PTPRN2: variants seen among roughly 807,000 people sequenced by gnomAD.
The protein encoded by PTPRN2 is protein tyrosine phosphatase receptor type N2, also known as receptor-type tyrosine-protein phosphatase N2.
A neutral mutation model predicts 118.8 loss-of-function variants in PTPRN2; 74 were observed. The observed-to-expected ratio is 0.62, with a 90% CI of 0.52 to 0.76. The LOEUF is 0.76. PTPRN2 is among the 30% of genes least tolerant of loss of function. PTPRN2 has a pLI of 0.00. For synonymous variants in PTPRN2, 641 were observed against 608.0 expected, an observed-to-expected ratio of 1.05 and a Z score of -0.80; for missense variants, 1,481 against 1,394.4, an observed-to-expected ratio of 1.06 and a Z score of -0.99.
At chr7:157,970,689 C>A (rs574364053) in intron 11 of PTPRN2, among the ~76,000 whole-genome samples, 1 of 142,438 alleles carries the variant, frequency 7.0e-6, no homozygotes, top group African/African-American at 2.6e-5. Flanking sequence ...TCCTGGTGAG[C>A]CTTGGTGGGA....
At chr7:157,896,002 G>C (rs974583446) in intron 12 of PTPRN2, among the ~76,000 whole-genome samples, 2 of 152,048 alleles carry the variant, frequency 1.3e-5, no homozygotes, top group African/African-American at 2.4e-5. Flanking sequence ...TGAGTGAAAG[G>C]GAGCACCAAG....
rs1802820672 is a variant in PTPRN2 at position 157,617,064 on chromosome 7, G to A, written c.2344+4298C>T. 6.6e-6 allele frequency: 1 copy of A among 152,290 alleles called. No homozygotes were observed. The highest frequency in any genetic ancestry group is 1.5e-5 in the Non-Finnish European group (1 of 68,076). The allele number at this position is 152,290 out of a possible 1,614,324, so 9.4% of individuals were successfully genotyped here. A position where few individuals can be genotyped will look rare whatever the true frequency, so the allele number is the denominator to read the frequency against. On this transcript the variant is annotated intron_variant, in intron 15 of 22. Coordinates refer to ENST00000389418, the MANE Select transcript of PTPRN2 (RefSeq NM_002847.5). The surrounding 1 kb of genome is among the most constrained non-coding windows in gnomAD (Gnocchi z 7.5). ...TATGAGGATGGCACTGGGGAGTCTG[G>A]ATTTCAGCTCTGACGGGCGGGCTCT...
Position 157,903,273 on chromosome 7 carries a change from AAT to A in PTPRN2, c.1724-4538_1724-4537del, listed in dbSNP as rs150488384. Among the ~76,000 whole-genome samples the A allele has an allele frequency of 0.015, 2,344 of 152,152 alleles. 55 individuals carry two copies. Among genetic ancestry groups the A allele is most frequent in the African/African-American group, 0.054 (2,240 of 41,474 alleles). ...ACACGTAAGAGGGAATGTGAGAGGGAATGTGAGAGGGAGGTGGGAGAAAAGGG... is the reference window on the plus strand; with the variant it reads ...ACACGTAAGAGGGAATGTGAGAGGGAGTGAGAGGGAGGTGGGAGAAAAGGG... On this transcript the variant is annotated intron_variant, in intron 11 of 22. Coordinates refer to ENST00000389418, the MANE Select transcript of PTPRN2 (RefSeq NM_002847.5). This position sits in a 1 kb window ranked among gnomAD's most constrained non-coding sequence, Gnocchi z 4.2.
chr7:158,568,459 A>G (rs1448011899), intron 1 of PTPRN2, among the ~76,000 whole-genome samples: 2 of 140,724 alleles, frequency 1.4e-5, no homozygotes, highest in Non-Finnish European at 3.1e-5. Context: ...TTTGGAGAAG[A>G]AAAAAAAAAA....
intron 3 of PTPRN2, among the ~76,000 whole-genome samples, chr7:158,215,367 G>A (rs1009951295): frequency 1.1e-4 from 16 of 151,996 alleles, no homozygotes; most frequent in African/African-American, 2.7e-4. Context: ...CAGCAACTGC[G>A]GGGCTATAAC....
chr7:157,745,451 G>GCGGGAGAGGACAGGC (rs1800867837), intron 12 of PTPRN2, among the ~76,000 whole-genome samples: 1 of 151,642 alleles, frequency 6.6e-6, no homozygotes, highest in African/African-American at 2.4e-5. Flanking sequence ...AGGACAGGCT[G>GCGGGAGAGGACAGGC]TGGGAGGCAG....
intron 14 of PTPRN2, among the ~76,000 whole-genome samples, chr7:157,646,040 T>A (rs1805048515): frequency 6.6e-6 from 1 of 152,064 alleles, no homozygotes; most frequent in South Asian, 2.1e-4. Flanking sequence ...GGGAAGAGAG[T>A]GGAGCCTGTA....
chr7:157,986,162 C>T lies in PTPRN2; in HGVS notation c.1724-87425G>A, dbSNP rs1171208602. Reference sequence around the variant, plus strand: ...TGAGATAGATACCCTCATCTACAGCCCCGCTCTCGTATGTCCGGGGGAAGC... The same window carrying T: ...TGAGATAGATACCCTCATCTACAGCTCCGCTCTCGTATGTCCGGGGGAAGC... On this transcript the variant is annotated intron_variant, in intron 11 of 22. Transcript: ENST00000389418. This position sits in a 1 kb window ranked among gnomAD's most constrained non-coding sequence, Gnocchi z 4.5. 6.6e-6 allele frequency among the ~76,000 whole-genome samples: 1 copy of T among 152,140 alleles called. No homozygotes were observed. The highest frequency in any genetic ancestry group is 1.5e-5 in the Non-Finnish European group (1 of 68,038).
At chr7:157,555,005 A>T (rs1257006534) in intron 21 of PTPRN2, among the ~76,000 whole-genome samples, 1 of 148,012 alleles carries the variant, frequency 6.8e-6, no homozygotes. Context: ...CAGTGTGGTG[A>T]GCACCGGCCA....
In PTPRN2 at chr7:157,627,847, C is replaced by T. The variant is rs1273729395; in HGVS notation, c.2197-6338G>A. ...CTGACGTAGATCCCAGAGCACACGA[C>T]ATCCACACCACAGCAGCTGAAGATG... On this transcript the variant is annotated intron_variant, in intron 14 of 22. Transcript: ENST00000389418. This position sits in a 1 kb window ranked among gnomAD's most constrained non-coding sequence, Gnocchi z 4.2. Among the ~76,000 whole-genome samples the T allele has an allele frequency of 2.6e-5, 4 of 151,474 alleles. No individual in the cohort carries two copies. The highest frequency in any genetic ancestry group is 5.9e-5 in the Non-Finnish European group (4 of 67,822).
intron 11 of PTPRN2, among the ~76,000 whole-genome samples, chr7:158,071,353 TGG>T (rs1811527257): frequency 8.5e-6 from 1 of 117,214 alleles, no homozygotes; most frequent in Non-Finnish European, 1.8e-5. Context: ...GTGCTCGTGG[TGG>T]TGGAGGTGCT....
intron 9 of PTPRN2, among the ~76,000 whole-genome samples, chr7:158,112,768 T>C (rs1461731045): frequency 6.8e-6 from 1 of 147,718 alleles, no homozygotes; most frequent in African/African-American, 2.5e-5. Flanking sequence ...AGTGCATCCA[T>C]GTGTGCAGAG....
At chr7:158,114,662 TA>T (rs1405893163) in intron 9 of PTPRN2, among the ~76,000 whole-genome samples, 1 of 151,936 alleles carries the variant, frequency 6.6e-6, no homozygotes, top group South Asian at 2.1e-4. Flanking sequence ...GAATATGCAT[TA>T]AAAAACCCAT....
intron 11 of PTPRN2, among the ~76,000 whole-genome samples, chr7:158,048,714 C>T (rs372489075): frequency 6.6e-6 from 1 of 151,544 alleles, no homozygotes; most frequent in African/African-American, 2.4e-5. Flanking sequence ...ATCACCATCA[C>T]CATCATATCA....
At position 157,540,285 on chromosome 7, in the gene PTPRN2, G is replaced by A. The variant is rs150024190; in HGVS notation, c.*429C>T. ...AAATGCCAAACGTGCCTTGTGTGCC[G>A]GGCGGCCTCACTGAGTGCTGCCAGC... On this transcript the variant is annotated 3_prime_UTR_variant, in exon 23 of 23. Coordinates refer to ENST00000389418, the MANE Select transcript of PTPRN2 (RefSeq NM_002847.5). The A allele has an allele frequency of 5.8e-5, 9 of 155,034 alleles. No homozygotes were observed. The highest frequency in any genetic ancestry group is 1.3e-4 in the Non-Finnish European group (9 of 70,022). The allele number at this position is 155,034 out of a possible 1,614,324, so 9.6% of individuals were successfully genotyped here. A position where few individuals can be genotyped will look rare whatever the true frequency, so the allele number is the denominator to read the frequency against.
chr7:158,037,821 T>C (rs550891236), intron 11 of PTPRN2, among the ~76,000 whole-genome samples: 3 of 152,288 alleles, frequency 2.0e-5, no homozygotes, highest in South Asian at 2.1e-4. Flanking sequence ...GGGGAAAGAA[T>C]GGGGGAGGGT....
At chr7:158,122,651 C>T (rs1250757138) in intron 9 of PTPRN2, among the ~76,000 whole-genome samples, 1 of 152,164 alleles carries the variant, frequency 6.6e-6, no homozygotes, top group African/African-American at 2.4e-5. Flanking sequence ...TTCAGCAGAC[C>T]CCTGAGGAAC....
chr7:157,720,187 T>C (rs748228133), intron 12 of PTPRN2, among the ~76,000 whole-genome samples: 9 of 152,190 alleles, frequency 5.9e-5, no homozygotes, highest in Non-Finnish European at 8.8e-5. Context: ...AGTCCAGATA[T>C]CTGCAGTGTT....
At chr7:157,722,752 A>C (rs905831401) in intron 12 of PTPRN2, among the ~76,000 whole-genome samples, 1 of 152,014 alleles carries the variant, frequency 6.6e-6, no homozygotes, top group Non-Finnish European at 1.5e-5. Flanking sequence ...CCTAGAGAGG[A>C]GTAGAGGGCA....
Sources: allele counts gnomAD v4.1 joint callset (sites outside exome capture counted in the v4.1 genomes callset), GRCh38; gene constraint gnomAD v4.1.1; non-coding constraint Gnocchi (gnomAD v3.1); transcripts MANE v1.5; gene names NCBI Gene and HGNC (gene_info 2026-07-23, HGNC 2026-07-21).